Variants in BBS4 observed in about 807,000 individuals in gnomAD.
The protein encoded by BBS4 is BBSome complex member BBS4.
Under a neutral mutation model 71.4 loss-of-function variants are expected in BBS4, and 58 were observed. The ratio of observed to expected loss-of-function variants is 0.81; its 90% CI spans 0.66 to 1.01. The LOEUF (loss-of-function observed/expected upper bound fraction) is 1.01. Ranked by LOEUF, BBS4 falls within the 50% of genes least tolerant of loss-of-function variation. The pLI, the probability that BBS4 is intolerant of heterozygous loss-of-function variation, is 0.00. For synonymous variants in BBS4, 228 were observed against 216.8 expected (o/e 1.05, Z -0.46); for missense variants, 660 against 607.9 (o/e 1.09, Z -0.90).
At chr15:72,700,059 C>T (rs1051914314) in intron 2 of BBS4, among the ~76,000 whole-genome samples, 1 of 152,168 alleles carries the variant, frequency 6.6e-6, no homozygotes, top group African/African-American at 2.4e-5. Context: ...TCAGCTTCAG[C>T]CTCCTGAGTA....
At chr15:72,714,196 C>T (rs1488333427) in intron 4 of BBS4, among the ~76,000 whole-genome samples, 2 of 149,680 alleles carry the variant, frequency 1.3e-5, no homozygotes, top group Non-Finnish European at 3.0e-5. Context: ...TCATTAGAAA[C>T]CAAAGATAAG....
intron 14 of BBS4, 34 bp from the exon 15 acceptor site, chr15:72,736,728 C>G (rs766789442): frequency 1.2e-6 from 2 of 1,610,642 alleles, no homozygotes; most frequent in Non-Finnish European, 1.7e-6. Flanking sequence ...GACAGTCACG[C>G]TTTTGATTCT....
chr15:72,712,123 T>C, intron 3 of BBS4, 121 bp from the exon 4 acceptor site: 1 of 807,430 alleles, frequency 1.2e-6, no homozygotes, highest in East Asian at 2.7e-5. Context: ...TGCCTTGGTC[T>C]CCCAAAGTTT....
At chr15:72,691,364 G>C (rs1459107756) in intron 1 of BBS4, among the ~76,000 whole-genome samples, 2 of 152,092 alleles carry the variant, frequency 1.3e-5, no homozygotes, top group East Asian at 3.9e-4. Context: ...TGTTCCTACT[G>C]CCCAGGTTAG....
At chr15:72,713,417 C>G (rs550647439) in intron 4 of BBS4, among the ~76,000 whole-genome samples, 1 of 152,166 alleles carries the variant, frequency 6.6e-6, no homozygotes, top group African/African-American at 2.4e-5. Flanking sequence ...CTGTCTTCCA[C>G]CTCCTTATGG....
chr15:72,695,186 T>C lies in BBS4; in HGVS notation c.34T>C (p.Phe12Leu). Residue 12 changes from phenylalanine to leucine, a missense_variant, in exon 2 of 16, where the codon TTT (phenylalanine) becomes CTT (leucine). Phe to Leu is a conservative substitution (Grantham distance 22). Coordinates refer to ENST00000268057, the MANE Select transcript of BBS4 (RefSeq NM_033028.5). ...AEERVATRTQFPVSTESQKPR... is the reference protein window; with the variant it reads ...AEERVATRTQLPVSTESQKPR... ...ACTTATTTCATTTCAGAGAACTCAA[T>C]TTCCTGTATCTACTGAGTCTCAAAA... 1.2e-6 allele frequency: 2 copies of C among 1,606,798 alleles called. No homozygotes were observed. Among genetic ancestry groups the C allele is most frequent in the Admixed American group, 3.3e-5 (2 of 59,978 alleles).
intron 1 of BBS4, among the ~76,000 whole-genome samples, chr15:72,691,285 T>C (rs1328706931): frequency 1.3e-5 from 2 of 152,176 alleles, no homozygotes; most frequent in Non-Finnish European, 2.9e-5. Context: ...TTGTGAAATA[T>C]ATCCTACCTG....
rs767070801 is a variant in BBS4 at position 72,736,802 on chromosome 15, T to A, written c.1289T>A (p.Val430Asp). 1.2e-6 allele frequency: 2 copies of A among 1,614,140 alleles called. No individual in the cohort carries two copies. The highest frequency in any genetic ancestry group is 2.2e-5 in the South Asian group (2 of 91,086). The change falls in exon 15 of 16, where the codon GTT becomes GAT. Residue 430 changes from valine to aspartate, a missense_variant. Coordinates refer to ENST00000268057, the MANE Select transcript of BBS4 (RefSeq NM_033028.5). ...CAGAAGTTGGGAGCTGCTCTCCAGG[T>A]TGGGGAGGCACTGGTCTGGACCAAA... Reference protein sequence around the residue: ...MAQKLGAALQVGEALVWTKPV... With the variant: ...MAQKLGAALQDGEALVWTKPV...
At position 72,738,416 on chromosome 15, in the gene BBS4, G is replaced by A. The variant is rs1164960731; in HGVS notation, c.*829G>A. The A allele has an allele frequency of 7.7e-6, 3 of 390,282 alleles. No individual in the cohort carries two copies. The highest frequency in any genetic ancestry group is 6.3e-5 in the African/African-American group (3 of 47,442). 24.2% of individuals were successfully genotyped at this position (390,282 alleles called of 1,614,324 possible). A position where few individuals can be genotyped will look rare whatever the true frequency, so the allele number is the denominator to read the frequency against. On this transcript the variant is annotated 3_prime_UTR_variant, in exon 16 of 16. Coordinates refer to ENST00000268057, the MANE Select transcript of BBS4 (RefSeq NM_033028.5). ...GATTACATATCATCATTCCTTTGGG[G>A]AAAATTGTTATTCAGGTATAAAAAC...
chr15:72,697,106 T>A (rs999123925), intron 2 of BBS4, among the ~76,000 whole-genome samples: 3 of 152,106 alleles, frequency 2.0e-5, no homozygotes, highest in African/African-American at 2.4e-5. Flanking sequence ...CTAATTTTTT[T>A]ATTTTTAGTA....
intron 2 of BBS4, among the ~76,000 whole-genome samples, chr15:72,696,525 A>G (rs1028625562): frequency 1.3e-5 from 2 of 152,146 alleles, no homozygotes; most frequent in African/African-American, 2.4e-5. Context: ...TCCATTCCCA[A>G]TTGCGGGCAG....
intron 13 of BBS4, 160 bp from the exon 14 acceptor site, chr15:72,735,665 C>A: frequency 1.1e-6 from 1 of 921,576 alleles, no homozygotes; most frequent in Non-Finnish European, 1.7e-6. Flanking sequence ...CTCCTTGATT[C>A]TTCTCCACAG....
At chr15:72,712,966 G>T (rs1366226510) in intron 4 of BBS4, among the ~76,000 whole-genome samples, 1 of 150,862 alleles carries the variant, frequency 6.6e-6, no homozygotes. Flanking sequence ...TTGTACATTT[G>T]TACAAAAATA....
intron 1 of BBS4, among the ~76,000 whole-genome samples, chr15:72,690,283 T>A (rs1298707234): frequency 6.6e-6 from 1 of 152,164 alleles, no homozygotes; most frequent in Non-Finnish European, 1.5e-5. Flanking sequence ...ATTTGTTGGA[T>A]GAATAAATGA....
chr15:72,703,246 C>T (rs941365491), intron 2 of BBS4, among the ~76,000 whole-genome samples: 2 of 152,162 alleles, frequency 1.3e-5, no homozygotes, highest in Admixed American at 6.6e-5. Context: ...CCTCCCCGAC[C>T]TTCAGGCCTC....
At chr15:72,688,079 T>A (rs2064905147) in intron 1 of BBS4, among the ~76,000 whole-genome samples, 1 of 149,994 alleles carries the variant, frequency 6.7e-6, no homozygotes. Flanking sequence ...AGAAAATACT[T>A]CTAAGTAATC....
intron 10 of BBS4, among the ~76,000 whole-genome samples, chr15:72,730,698 G>T (rs1206993781): frequency 1.3e-5 from 2 of 152,178 alleles, no homozygotes; most frequent in East Asian, 3.8e-4. Context: ...GCATCAAATG[G>T]ATGAACATCA....
At chr15:72,686,997 T>C (rs2064859603) in intron 1 of BBS4, among the ~76,000 whole-genome samples, 1 of 152,192 alleles carries the variant, frequency 6.6e-6, no homozygotes, top group Admixed American at 6.6e-5. Flanking sequence ...TTGGCTGTTT[T>C]ACAACTTAGT....
At chr15:72,713,569 G>T (rs1456785231) in intron 4 of BBS4, among the ~76,000 whole-genome samples, 1 of 152,144 alleles carries the variant, frequency 6.6e-6, no homozygotes, top group Non-Finnish European at 1.5e-5. Context: ...CTAAAATAAA[G>T]ATTAAAATGT....
Sources: allele counts gnomAD v4.1 joint callset (sites outside exome capture counted in the v4.1 genomes callset), GRCh38; gene constraint gnomAD v4.1.1; transcripts MANE v1.5; gene names NCBI Gene and HGNC (gene_info 2026-07-23, HGNC 2026-07-21).